The following UNC5C variants were observed in gnomAD, a reference collection of about 807,000 sequenced individuals.
UNC5C encodes netrin receptor UNC5C.
Under a neutral mutation model 99.8 loss-of-function variants are expected in UNC5C, and 47 were observed. The observed-to-expected ratio is 0.47, with a 90% CI of 0.37 to 0.60. The LOEUF (loss-of-function observed/expected upper bound fraction) is 0.60, where lower values mean the gene tolerates loss of function less well. Ranked by LOEUF, UNC5C falls within the 20% of genes least tolerant of loss-of-function variation. UNC5C has a pLI of 0.00. For synonymous variants in UNC5C, 487 were observed against 452.2 expected (o/e 1.08, Z -0.98); for missense variants, 1,062 against 1,165.9 (o/e 0.91, Z 1.30).
chr4:95,497,124 G>A (rs556402617), intron 1 of UNC5C, among the ~76,000 whole-genome samples: 3 of 151,984 alleles, frequency 2.0e-5, no homozygotes, highest in African/African-American at 7.2e-5. Flanking sequence ...ATTGCGAATT[G>A]TGCTGCTATA....
At chr4:95,293,544 C>T (rs1287080883) in intron 3 of UNC5C, among the ~76,000 whole-genome samples, 3 of 151,744 alleles carry the variant, frequency 2.0e-5, no homozygotes, top group Non-Finnish European at 4.4e-5. Context: ...GGTCTCAAAC[C>T]CCTATGTGCA....
chr4:95,325,245 GA>G (rs1742843597), intron 2 of UNC5C, among the ~76,000 whole-genome samples: 2 of 152,300 alleles, frequency 1.3e-5, no homozygotes, highest in South Asian at 4.1e-4. Context: ...ATATTTTTAA[GA>G]GGGGGAATGA....
At chr4:95,442,165 A>G (rs953375007) in intron 1 of UNC5C, among the ~76,000 whole-genome samples, 2 of 152,064 alleles carry the variant, frequency 1.3e-5, no homozygotes, top group African/African-American at 4.8e-5. Context: ...CAAGACTTTC[A>G]AAGTCTTGAA....
At chr4:95,203,909 T>A (rs904873690) in intron 11 of UNC5C, among the ~76,000 whole-genome samples, 6 of 152,162 alleles carry the variant, frequency 3.9e-5, no homozygotes, top group Non-Finnish European at 7.4e-5. Flanking sequence ...CGTCATCTGA[T>A]GACTGATGGC....
intron 1 of UNC5C, among the ~76,000 whole-genome samples, chr4:95,492,260 T>C (rs1207057949): frequency 2.0e-5 from 3 of 151,494 alleles, no homozygotes; most frequent in Non-Finnish European, 4.4e-5. Context: ...AAGATTATGA[T>C]AGCTCATAAC....
chr4:95,435,378 C>T (rs182209376), intron 1 of UNC5C, among the ~76,000 whole-genome samples: 1 of 152,044 alleles, frequency 6.6e-6, no homozygotes, highest in Non-Finnish European at 1.5e-5. Flanking sequence ...GGTTCACCGT[C>T]TTCAATTAGA....
At chr4:95,448,243 A>T (rs1197406017) in intron 1 of UNC5C, among the ~76,000 whole-genome samples, 5 of 150,566 alleles carry the variant, frequency 3.3e-5, no homozygotes, top group Admixed American at 6.6e-5. Context: ...AGAGAGAGAG[A>T]GAGAGAGAGA....
At chr4:95,488,609 A>G (rs1721392270) in intron 1 of UNC5C, among the ~76,000 whole-genome samples, 1 of 151,744 alleles carries the variant, frequency 6.6e-6, no homozygotes, top group South Asian at 2.1e-4. Flanking sequence ...AAAAATGCAC[A>G]CTCAGGCAAA....
chr4:95,338,458 A>C (rs1231754774), intron 1 of UNC5C, among the ~76,000 whole-genome samples: 1 of 152,102 alleles, frequency 6.6e-6, no homozygotes, highest in African/African-American at 2.4e-5. Flanking sequence ...TTTAAAGATA[A>C]AGTGATCAGC....
chr4:95,243,001 C>T (rs1387494530), intron 6 of UNC5C, among the ~76,000 whole-genome samples: 1 of 152,244 alleles, frequency 6.6e-6, no homozygotes, highest in East Asian at 1.9e-4. Flanking sequence ...AAAGTAAGCT[C>T]ATGTGAGAAT....
In UNC5C at chr4:95,209,025, A is replaced by G. The variant is rs543276149; in HGVS notation, c.1734-2229T>C. Among the ~76,000 whole-genome samples the G allele has an allele frequency of 5.2e-4, 79 of 152,314 alleles. 4 individuals carry two copies. In the South Asian group the frequency reaches 0.015, roughly 30 times the overall value. On this transcript the variant is annotated intron_variant, in intron 10 of 15. Coordinates refer to ENST00000453304, the MANE Select transcript of UNC5C (RefSeq NM_003728.4). ...GTTTGTATAGCAATTACCTTGAAAG[A>G]TAAAGACAATGTCTACTTCTGGAGC... is the stretch of plus-strand genomic sequence containing the variant.
At chr4:95,352,740 A>G (rs1744036309) in intron 1 of UNC5C, among the ~76,000 whole-genome samples, 1 of 152,112 alleles carries the variant, frequency 6.6e-6, no homozygotes, top group Admixed American at 6.6e-5. Context: ...CCAGCTCTTC[A>G]TTATTTCACT....
chr4:95,337,760 C>T (rs1164151202), intron 1 of UNC5C, among the ~76,000 whole-genome samples: 1 of 151,948 alleles, frequency 6.6e-6, no homozygotes, highest in East Asian at 1.9e-4. Flanking sequence ...TGTTTGTTAA[C>T]ACTTGAAAAT....
chr4:95,199,523 T>G (rs1038752140), intron 12 of UNC5C, among the ~76,000 whole-genome samples: 8 of 152,202 alleles, frequency 5.3e-5, no homozygotes, highest in African/African-American at 1.9e-4. Context: ...TGATACAAAC[T>G]GCTCTTGAGT....
chr4:95,546,002 A>C (rs1185098754), intron 1 of UNC5C, among the ~76,000 whole-genome samples: 1 of 152,228 alleles, frequency 6.6e-6, no homozygotes, highest in Admixed American at 6.5e-5. Context: ...GTACACTCAC[A>C]AATAATGCCT....
intron 1 of UNC5C, among the ~76,000 whole-genome samples, chr4:95,537,858 A>G (rs1238036398): frequency 1.3e-5 from 2 of 151,894 alleles, no homozygotes; most frequent in Admixed American, 6.6e-5. Flanking sequence ...GGGTGGGGGG[A>G]GCGTCGTATA....
chr4:95,541,617 C>G (rs1472007870), intron 1 of UNC5C, among the ~76,000 whole-genome samples: 1 of 151,970 alleles, frequency 6.6e-6, no homozygotes, highest in Non-Finnish European at 1.5e-5. Flanking sequence ...TGCTTTACTT[C>G]TGTACTACAT....
chr4:95,473,229 ATATC>A (rs1748029395), intron 1 of UNC5C, among the ~76,000 whole-genome samples: 1 of 152,136 alleles, frequency 6.6e-6, no homozygotes, highest in African/African-American at 2.4e-5. Flanking sequence ...TATACTGAAA[ATATC>A]TGCAACCTGA....
At chr4:95,520,888 C>A (rs553633720) in intron 1 of UNC5C, among the ~76,000 whole-genome samples, 1 of 152,114 alleles carries the variant, frequency 6.6e-6, no homozygotes, top group African/African-American at 2.4e-5. Context: ...CGTGAGCCAC[C>A]GCGCCCGGCC....
Sources: allele counts gnomAD v4.1 joint callset (sites outside exome capture counted in the v4.1 genomes callset), GRCh38; gene constraint gnomAD v4.1.1; transcripts MANE v1.5; gene names NCBI Gene and HGNC (gene_info 2026-07-23, HGNC 2026-07-21).